HRH1: variants seen among roughly 807,000 people sequenced by gnomAD.
HRH1 encodes the protein histamine receptor H1.
A neutral mutation model predicts 10.3 loss-of-function variants in HRH1; 6 were observed. The observed-to-expected ratio is 0.58, with a 90% CI of 0.32 to 1.15. HRH1 has a LOEUF of 1.15. Among genes scored for constraint, HRH1 ranks in the 50% most tolerant of loss-of-function variants. The pLI is 0.05. For missense variants in HRH1, 514 were observed against 615.3 expected (o/e 0.84, Z 1.74); for synonymous variants, 242 against 236.7 (o/e 1.02, Z -0.21).
At chr3:11,218,298 A>T (rs78953005) in intron 1 of HRH1, among the ~76,000 whole-genome samples, 1 of 151,922 alleles carries the variant, frequency 6.6e-6, no homozygotes, top group Admixed American at 6.6e-5. Context: ...TACAAAAAAA[A>T]TTAGCCAGGC....
At chr3:11,212,795 C>T (rs1480524480) in intron 1 of HRH1, among the ~76,000 whole-genome samples, 2 of 152,156 alleles carry the variant, frequency 1.3e-5, no homozygotes, top group Non-Finnish European at 2.9e-5. Flanking sequence ...TCATCAAAGT[C>T]AAAACCGAAG....
chr3:11,227,467 A>G lies in HRH1; in HGVS notation c.-35-31536A>G, dbSNP rs145969341. Among the ~76,000 whole-genome samples the G allele has an allele frequency of 5.6e-3, 848 of 151,880 alleles. 7 individuals are homozygous for G. Among genetic ancestry groups the G allele is most frequent in the Non-Finnish European group, 9.0e-3 (612 of 67,946 alleles). ...ACGCCTGGCTAATTTTTGTATTTTT[A>G]GTGGAGACGAGGTTTCCCCATGTTG... On this transcript the variant is annotated intron_variant, in intron 1 of 1. Transcript: ENST00000431010.
intron 1 of HRH1, among the ~76,000 whole-genome samples, chr3:11,258,530 C>T (rs994610807): frequency 3.9e-5 from 6 of 152,146 alleles, no homozygotes; most frequent in South Asian, 2.1e-4. Context: ...CTAAAAACTC[C>T]GCCTCTGCTG....
intron 1 of HRH1, among the ~76,000 whole-genome samples, chr3:11,174,912 C>T (rs1387959900): frequency 6.6e-6 from 1 of 152,188 alleles, no homozygotes; most frequent in Non-Finnish European, 1.5e-5. Flanking sequence ...CCACTCCTGC[C>T]CCGGGCAACA....
At chr3:11,192,382 C>T (rs1442405869) in intron 1 of HRH1, among the ~76,000 whole-genome samples, 1 of 152,118 alleles carries the variant, frequency 6.6e-6, no homozygotes. Context: ...TTTGTGATAG[C>T]CATCCATGTT....
intron 1 of HRH1, among the ~76,000 whole-genome samples, chr3:11,184,523 G>C (rs932552433): frequency 6.6e-5 from 10 of 152,100 alleles, no homozygotes; most frequent in Non-Finnish European, 1.2e-4. Flanking sequence ...TAAATTCTCA[G>C]AGCTTAAATT....
chr3:11,244,545 A>C (rs1351010956), intron 1 of HRH1, among the ~76,000 whole-genome samples: 1 of 152,242 alleles, frequency 6.6e-6, no homozygotes, highest in Non-Finnish European at 1.5e-5. Flanking sequence ...AACCACTGCT[A>C]TTAATTGAGC....
intron 1 of HRH1, among the ~76,000 whole-genome samples, chr3:11,253,869 C>T (rs1026340078): frequency 2.0e-5 from 3 of 152,076 alleles, no homozygotes; most frequent in African/African-American, 7.2e-5. Context: ...TAAAACTGAT[C>T]GATCTGATCT....
chr3:11,172,890 G>A (rs1170306056), intron 1 of HRH1, among the ~76,000 whole-genome samples: 1 of 152,090 alleles, frequency 6.6e-6, no homozygotes, highest in Middle Eastern at 3.4e-3. Context: ...TTTTAGTAGA[G>A]ACGGGGTTTC....
At position 11,259,430 on chromosome 3, in the gene HRH1, GC is replaced by G; in HGVS notation, c.397del (p.Leu133SerfsTer31). The G allele has an allele frequency of 6.2e-7, 1 of 1,613,880 alleles. No homozygotes were observed. The highest frequency in any genetic ancestry group is 8.5e-7 in the Non-Finnish European group (1 of 1,179,946). On this transcript the variant is annotated frameshift_variant, in exon 2 of 2. Transcript: ENST00000431010. LOFTEE classifies it low-confidence loss of function (END_TRUNC). The surrounding 1 kb of genome is among the most constrained non-coding windows in gnomAD (Gnocchi z 4.6). ...CIDRYRSVQQ[P>X]LRYLKYRTKT... The stretch of plus-strand genomic sequence containing the variant: ...TTGATCGCTACCGCTCTGTCCAGCA[GC>G]CCCTCAGGTACCTTAAGTATCGTAC...
chr3:11,195,958 A>G (rs1417495373), intron 1 of HRH1, among the ~76,000 whole-genome samples: 3 of 152,160 alleles, frequency 2.0e-5, no homozygotes, highest in African/African-American at 7.2e-5. Flanking sequence ...TTCGAGTTTT[A>G]TGCCCCCCAG....
chr3:11,153,158 T>C (rs1936683981), upstream of HRH1, among the ~76,000 whole-genome samples: 1 of 152,190 alleles, frequency 6.6e-6, no homozygotes, highest in South Asian at 2.1e-4. Flanking sequence ...TCAGTTCTCC[T>C]ACATGTGACC....
chr3:11,195,856 G>GTTAC (rs1164274387), intron 1 of HRH1, among the ~76,000 whole-genome samples: 1 of 152,178 alleles, frequency 6.6e-6, no homozygotes, highest in Non-Finnish European at 1.5e-5. Context: ...CTCTCTTCCA[G>GTTAC]TTACTTCCTG....
intron 1 of HRH1, among the ~76,000 whole-genome samples, chr3:11,160,118 A>C (rs1936895629): frequency 6.6e-6 from 1 of 152,196 alleles, no homozygotes; most frequent in Non-Finnish European, 1.5e-5. Context: ...TGGTGGCCAC[A>C]GATTGAGGGA....
At chr3:11,246,414 G>T (rs1476964200) in intron 1 of HRH1, among the ~76,000 whole-genome samples, 1 of 152,212 alleles carries the variant, frequency 6.6e-6, no homozygotes, top group Non-Finnish European at 1.5e-5. Context: ...TGAGTGGCGT[G>T]TAGTGACATG....
intron 1 of HRH1, among the ~76,000 whole-genome samples, chr3:11,194,421 C>T (rs1304131426): frequency 2.0e-5 from 3 of 152,210 alleles, no homozygotes; most frequent in Non-Finnish European, 2.9e-5. Context: ...GCTCCCACCC[C>T]GTCTCAGACT....
Position 11,259,495 on chromosome 3 carries a change from T to C in HRH1, c.458T>C (p.Phe153Ser), listed in dbSNP as rs768188413. The C allele has an allele frequency of 1.2e-6, 2 of 1,613,978 alleles. No individual in the cohort carries two copies. Among genetic ancestry groups the C allele is most frequent in the Non-Finnish European group, 1.7e-6 (2 of 1,179,996 alleles). The change falls in exon 2 of 2, where the codon TTT (phenylalanine) becomes TCT (serine). Residue 153 changes from phenylalanine to serine, a missense_variant. Phe to Ser is a radical substitution (Grantham distance 155). Coordinates refer to ENST00000431010, the MANE Select transcript of HRH1 (RefSeq NM_001098212.2). This position sits in a 1 kb window ranked among gnomAD's most constrained non-coding sequence, Gnocchi z 4.6. ...TCGGCCACCATTCTGGGGGCCTGGT[T>C]TCTCTCTTTTCTGTGGGTTATTCCC... ...RASATILGAW[F>S]LSFLWVIPIL... is the part of the protein sequence containing the mutation.
Position 11,195,804 on chromosome 3 carries a change from C to A in HRH1, c.-36+41250C>A, listed in dbSNP as rs150067059. On this transcript the variant is annotated intron_variant, in intron 1 of 1. Coordinates refer to ENST00000431010, the MANE Select transcript of HRH1 (RefSeq NM_001098212.2). The stretch of plus-strand genomic sequence containing the variant: ...GGAACCAGGGGCTGAAATGTGCAGA[C>A]CACCCCCCATCCCATGCTTGTCCCC... Among the ~76,000 whole-genome samples, 197 of 152,282 alleles carry A rather than the reference C, an allele frequency of 1.3e-3. 1 individual carries two copies. The highest frequency in any genetic ancestry group is 4.3e-3 in the African/African-American group (180 of 41,556).
chr3:11,221,685 T>C (rs1354438388), intron 1 of HRH1, among the ~76,000 whole-genome samples: 2 of 152,002 alleles, frequency 1.3e-5, no homozygotes, highest in Non-Finnish European at 1.5e-5. Flanking sequence ...ATCACCACCA[T>C]CCACCTCCAG....
Sources: allele counts gnomAD v4.1 joint callset (sites outside exome capture counted in the v4.1 genomes callset), GRCh38; gene constraint gnomAD v4.1.1; non-coding constraint Gnocchi (gnomAD v3.1); transcripts MANE v1.5; gene names NCBI Gene and HGNC (gene_info 2026-07-23, HGNC 2026-07-21).